The following RET variants were observed in gnomAD, a reference collection of about 807,000 sequenced individuals.
RET encodes proto-oncogene tyrosine-protein kinase receptor Ret.
In RET, 19 loss-of-function variants were observed where a neutral mutation model predicts 118.3. That is an observed-to-expected ratio of 0.16 (90% CI 0.11 to 0.24). The LOEUF is 0.24. RET is among the 10% of genes least tolerant of loss of function. RET has a pLI of 1.00. For missense variants in RET, 1,219 were observed against 1,502.1 expected (o/e 0.81, Z 3.12); for synonymous variants, 597 against 644.1 (o/e 0.93, Z 1.11).
At chr10:43,117,860 G>A (rs545696718) in intron 12 of RET, among the ~76,000 whole-genome samples, 13 of 152,296 alleles carry the variant, frequency 8.5e-5, no homozygotes, top group African/African-American at 2.2e-4. Context: ...AGCTGCTGAC[G>A]TGTGTGTGAC....
intron 2 of RET, among the ~76,000 whole-genome samples, chr10:43,101,200 A>G (rs1449734667): frequency 6.9e-6 from 1 of 144,180 alleles, no homozygotes. Context: ...AAAGAGGAGC[A>G]GTCAGAGCCA....
intron 1 of RET, among the ~76,000 whole-genome samples, chr10:43,091,626 A>G (rs1837412022): frequency 6.7e-6 from 1 of 148,582 alleles, no homozygotes; most frequent in African/African-American, 2.5e-5. Flanking sequence ...GTGAGACTCC[A>G]TACAAAAAAA....
chr10:43,077,100 C>T lies in RET; in HGVS notation c.-159C>T. The stretch of plus-strand genomic sequence containing the variant: ...GCGACCGAAGCAGGGCGCGCAGCAG[C>T]GCTGAGTGCCCCGGAACGTGCGTCG... On this transcript the variant is annotated 5_prime_UTR_variant, in exon 1 of 20. Transcript: ENST00000355710. The T allele has an allele frequency of 1.8e-6, 2 of 1,099,346 alleles. No individual in the cohort carries two copies. The highest frequency in any genetic ancestry group is 1.2e-6 in the Non-Finnish European group (1 of 850,706). 68.1% of individuals were successfully genotyped at this position (1,099,346 alleles called of 1,614,324 possible). A position where few individuals can be genotyped will look rare whatever the true frequency, so the allele number is the denominator to read the frequency against.
rs1838034421 is a variant in RET, at chr10:43,114,813, A to G, written c.2136+77A>G. The G allele has an allele frequency of 6.8e-7, 1 of 1,477,392 alleles. No homozygotes were observed. The highest frequency in any genetic ancestry group is 9.1e-7 in the Non-Finnish European group (1 of 1,103,250). 91.5% of individuals were successfully genotyped at this position (1,477,392 alleles called of 1,614,324 possible). On this transcript the variant is annotated intron_variant, in intron 11 of 19. Coordinates refer to ENST00000355710, the MANE Select transcript of RET (RefSeq NM_020975.6). This position sits in a 1 kb window ranked among gnomAD's most constrained non-coding sequence, Gnocchi z 4.6. Reference sequence around the variant, plus strand: ...CCAGGGAGGGAGGCCAGCTGGGGAGACAGAGGCCATCCTGTGAGGGGCTGC... The same window carrying G: ...CCAGGGAGGGAGGCCAGCTGGGGAGGCAGAGGCCATCCTGTGAGGGGCTGC...
At chr10:43,127,187 G>T in intron 19 of RET, 1 of 1,087,930 alleles carries the variant, frequency 9.2e-7, no homozygotes, top group Non-Finnish European at 1.1e-6. Flanking sequence ...GGGCAGGCAG[G>T]TGCCTCTCAG....
At chr10:43,090,495 G>A (rs957263188) in intron 1 of RET, among the ~76,000 whole-genome samples, 2 of 152,080 alleles carry the variant, frequency 1.3e-5, no homozygotes, top group Middle Eastern at 3.2e-3. Flanking sequence ...CCTTGCTCAG[G>A]GCTGTGTGCT....
chr10:43,103,047 C>T (rs943848158), intron 3 of RET, among the ~76,000 whole-genome samples: 1 of 152,158 alleles, frequency 6.6e-6, no homozygotes, highest in South Asian at 2.1e-4. Context: ...TGGGAGGGTG[C>T]CGGGTAGGCA....
chr10:43,100,175 G>C (rs1314957213), intron 1 of RET, among the ~76,000 whole-genome samples: 1 of 152,226 alleles, frequency 6.6e-6, no homozygotes, highest in Non-Finnish European at 1.5e-5. Context: ...TGGGTGACCT[G>C]TTGAGAAGTC....
intron 1 of RET, 127 bp from the exon 2 acceptor site, chr10:43,100,332 T>G: frequency 1.8e-6 from 2 of 1,089,606 alleles, no homozygotes; most frequent in Non-Finnish European, 2.7e-6. Flanking sequence ...TGAGTGTTCA[T>G]GTTCTCAGGA....
Position 43,129,145 on chromosome 10 carries a change from C to T in RET, c.*876C>T, listed in dbSNP as rs1588882344. ...CAGCAGAGGCTTTGCTGCTGTGAAT[C>T]CCACCTGCCACCAGCCTGCAGCACA... On this transcript the variant is annotated 3_prime_UTR_variant, in exon 20 of 20. Coordinates refer to ENST00000355710, the MANE Select transcript of RET (RefSeq NM_020975.6). 8.6e-6 allele frequency: 2 copies of T among 233,552 alleles called. No homozygotes were observed. Among genetic ancestry groups the T allele is most frequent in the East Asian group, 1.2e-4 (2 of 16,570 alleles). 14.5% of individuals were successfully genotyped at this position (233,552 alleles called of 1,614,324 possible).
intron 18 of RET, 70 bp downstream of exon 18, chr10:43,125,052 G>A (rs1838301730): frequency 1.4e-6 from 2 of 1,432,582 alleles, no homozygotes; most frequent in African/African-American, 1.4e-5. Flanking sequence ...CCCCAGGGCA[G>A]TAGTTTTAGC....
chr10:43,100,510 T>C lies in RET; in HGVS notation c.125T>C (p.Val42Ala), dbSNP rs773375434. Residue 42 changes from valine to alanine, a missense_variant, in exon 2 of 20, where the codon GTG becomes GCG. Physicochemically the swap from Val to Ala is moderately conservative, Grantham distance 64 (BLOSUM62 0). Transcript: ENST00000355710. ...GATGCTTACTGGGAGAAGCTGTATG[T>C]GGACCAGGCAGCCGGCACGCCCTTG... Reference protein sequence around the residue: ...SRDAYWEKLYVDQAAGTPLLY... With the variant: ...SRDAYWEKLYADQAAGTPLLY... The C allele has an allele frequency of 4.3e-6, 7 of 1,613,736 alleles. No homozygotes were observed. The highest frequency in any genetic ancestry group is 1.7e-5 in the Admixed American group (1 of 59,998).
chr10:43,103,916 G>GC, intron 3 of RET, among the ~76,000 whole-genome samples: 1 of 152,230 alleles, frequency 6.6e-6, no homozygotes, highest in Non-Finnish European at 1.5e-5. Context: ...GGGGTCTTCA[G>GC]CGGTGACCTT....
chr10:43,110,006 G>T (rs1190361701), intron 6 of RET, among the ~76,000 whole-genome samples: 1 of 152,186 alleles, frequency 6.6e-6, no homozygotes, highest in East Asian at 1.9e-4. Flanking sequence ...AGTTCTTTCG[G>T]GTGGTTCTGT....
At chr10:43,081,526 A>G (rs1395354682) in intron 1 of RET, among the ~76,000 whole-genome samples, 1 of 152,048 alleles carries the variant, frequency 6.6e-6, no homozygotes, top group African/African-American at 2.4e-5. Context: ...CAGGGAGCAC[A>G]CCTCAGTCAT....
At chr10:43,104,816 G>T (rs1471522107) in intron 3 of RET, 136 bp from the exon 4 acceptor site, 3 of 1,337,292 alleles carry the variant, frequency 2.2e-6, no homozygotes. Flanking sequence ...GCCCTCCCCT[G>T]TGGAGCGGAG....
intron 1 of RET, among the ~76,000 whole-genome samples, chr10:43,094,792 T>G (rs2505540): frequency 6.6e-6 from 1 of 152,102 alleles, no homozygotes; most frequent in African/African-American, 2.4e-5. Context: ...CATGTGCTTG[T>G]TAGAGCCCTA....
chr10:43,116,876 C>A, intron 12 of RET, 145 bp downstream of exon 12: 1 of 950,272 alleles, frequency 1.1e-6, no homozygotes, highest in East Asian at 2.5e-5. Flanking sequence ...TACCATGGGC[C>A]ACTTGGGCCT....
intron 1 of RET, among the ~76,000 whole-genome samples, chr10:43,090,408 C>T (rs1294947403): frequency 2.0e-5 from 3 of 152,260 alleles, no homozygotes; most frequent in East Asian, 3.9e-4. Context: ...AAGGGAAGGG[C>T]TCTGTGACAG....
Sources: gnomAD v4.1 joint callset for allele counts (sites outside exome capture counted in the v4.1 genomes callset) on GRCh38, gnomAD v4.1.1 for gene constraint, Gnocchi (gnomAD v3.1) non-coding constraint, MANE v1.5 for transcripts, NCBI Gene and HGNC (gene_info 2026-07-23, HGNC 2026-07-21) for gene names.